MOB2: variants seen among roughly 807,000 people sequenced by gnomAD.
MOB2 encodes MOB kinase activator 2, also known as MOB2 Mps One Binder homolog.
A neutral mutation model predicts 27.4 loss-of-function variants in MOB2; 14 were observed. The ratio of observed to expected loss-of-function variants is 0.51; its 90% CI spans 0.34 to 0.80. MOB2 has a LOEUF of 0.80. MOB2 is among the 30% of genes least tolerant of loss of function. The probability of loss-of-function intolerance (pLI) is 0.01; values close to 1 mark genes in which losing one functional copy is unlikely to be tolerated. For missense variants in MOB2, 304 were observed against 354.6 expected, an observed-to-expected ratio of 0.86 and a Z score of 1.15; for synonymous variants, 167 against 151.8, an observed-to-expected ratio of 1.10 and a Z score of -0.74.
chr11:1,474,495 G>A (rs1847831410), intron 3 of MOB2, among the ~76,000 whole-genome samples: 1 of 152,210 alleles, frequency 6.6e-6, no homozygotes, highest in Non-Finnish European at 1.5e-5. Flanking sequence ...GAGGCATGAG[G>A]GATAGGTCAG....
At chr11:1,484,017 G>A (rs920387608) in intron 1 of MOB2, among the ~76,000 whole-genome samples, 2 of 152,188 alleles carry the variant, frequency 1.3e-5, no homozygotes, top group African/African-American at 4.8e-5. Context: ...CCGCCCTGAG[G>A]GACGAGGACA....
In MOB2 at chr11:1,480,548, CCT is replaced by C. The variant is rs916499149; in HGVS notation, c.272-64_272-63del. 6 of 1,576,934 alleles carry C rather than the reference CCT, an allele frequency of 3.8e-6. No individual in the cohort carries two copies. In the Admixed American group the frequency reaches 5.0e-5, roughly 13 times the overall value. On this transcript the variant is annotated intron_variant, in intron 2 of 4. Transcript: ENST00000329957. Reference sequence around the variant, plus strand: ...CCAGAGCTGAGCCGCCCCGTCCACCCCTGCTTCCAGCAACAGGTGCAGGAGCT... The same window carrying C: ...CCAGAGCTGAGCCGCCCCGTCCACCCGCTTCCAGCAACAGGTGCAGGAGCT...
rs563551452 is a variant in MOB2 at position 1,483,660 on chromosome 11, C to T, written c.111-2775G>A. Among the ~76,000 whole-genome samples the T allele has an allele frequency of 4.6e-5, 7 of 152,350 alleles. No homozygotes were observed. In the East Asian group the frequency reaches 1.4e-3, roughly 29 times the overall value. ...TGGGCACCAGCTGCTGCTCTGCCAA[C>T]TTGCCCATCTTACACCAGGCCTAGC... is the stretch of plus-strand genomic sequence containing the variant. On this transcript the variant is annotated intron_variant, in intron 1 of 4. Coordinates refer to ENST00000329957, the MANE Select transcript of MOB2 (RefSeq NM_001172223.3).
In MOB2 at chr11:1,470,286, C is replaced by T; in HGVS notation, c.693G>A (p.Met231Ile). 6.2e-7 allele frequency: 1 copy of T among 1,613,192 alleles called. No individual in the cohort carries two copies. Among genetic ancestry groups the T allele is most frequent in the Admixed American group, 1.7e-5 (1 of 60,028 alleles). ...NLLDPKETAI[M>I]DDLTEVLCSG... Reference sequence around the variant, plus strand: ...TGCATAGCACCTCGGTGAGGTCGTCCATGATGGCGGTCTCTTTGGGGTCCA... The same window carrying T: ...TGCATAGCACCTCGGTGAGGTCGTCTATGATGGCGGTCTCTTTGGGGTCCA... Residue 231 changes from methionine to isoleucine, a missense_variant, in exon 5 of 5, where the codon ATG (methionine) becomes ATA (isoleucine). Coordinates refer to ENST00000329957, the MANE Select transcript of MOB2 (RefSeq NM_001172223.3).
intron 1 of MOB2, chr11:1,481,152 G>A: frequency 1.7e-6 from 1 of 602,714 alleles, no homozygotes; most frequent in Non-Finnish European, 3.1e-6. Context: ...TGCACGGAGG[G>A]CATCCTCACC....
chr11:1,473,902 C>T (rs1253851112), intron 3 of MOB2, among the ~76,000 whole-genome samples: 6 of 152,262 alleles, frequency 3.9e-5, no homozygotes, highest in African/African-American at 1.4e-4. Flanking sequence ...AGGAATCGCA[C>T]CGCGCGGATC....
intron 2 of MOB2, 78 bp from the exon 3 acceptor site, chr11:1,480,564 G>C: frequency 1.3e-6 from 2 of 1,555,768 alleles, no homozygotes; most frequent in Non-Finnish European, 1.8e-6. Context: ...TCCAGCAACA[G>C]GTGCAGGAGC....
At chr11:1,484,691 A>AG (rs999939658) in intron 1 of MOB2, among the ~76,000 whole-genome samples, 8 of 151,834 alleles carry the variant, frequency 5.3e-5, no homozygotes, top group African/African-American at 9.7e-5. Context: ...CTGGGTGTTG[A>AG]GGGGGGGCCT....
chr11:1,470,212 C>T lies in MOB2; in HGVS notation c.767G>A (p.Ser256Asn). The T allele has an allele frequency of 6.2e-7, 1 of 1,611,584 alleles. No homozygotes were observed. The highest frequency in any genetic ancestry group is 8.5e-7 in the Non-Finnish European group (1 of 1,179,412). The change falls in exon 5 of 5, where the codon AGC (serine) becomes AAC (asparagine). Residue 256 changes from serine to asparagine, a missense_variant. By Grantham distance (46) the Ser-to-Asn change is conservative (BLOSUM62 1). Coordinates refer to ENST00000329957, the MANE Select transcript of MOB2 (RefSeq NM_001172223.3). The part of the protein sequence containing the change: ...HSGGSGDGAG[S>N]GGPGAQNHVK... ...GTGGTTCTGTGCTCCCGGGCCCCCG[C>T]TGCCGGCCCCATCCCCACTGCCCCC...
At chr11:1,485,283 C>A (rs917887570) in intron 1 of MOB2, among the ~76,000 whole-genome samples, 34 of 152,372 alleles carry the variant, frequency 2.2e-4, no homozygotes, top group African/African-American at 8.2e-4. Flanking sequence ...GACACACAAG[C>A]ACACACTGGC....
chr11:1,471,625 G>A (rs750999933), intron 3 of MOB2: 5 of 557,896 alleles, frequency 9.0e-6, no homozygotes, highest in East Asian at 3.1e-5. Context: ...GGGTCTGCCT[G>A]CGCTGACTTA....
chr11:1,481,047 A>C, intron 1 of MOB2, 162 bp from the exon 2 acceptor site: 1 of 836,464 alleles, frequency 1.2e-6, no homozygotes, highest in Non-Finnish European at 1.8e-6. Context: ...CGGGACACCA[A>C]CGGTGAGGCT....
chr11:1,469,877 A>G lies in MOB2; in HGVS notation c.*295T>C, dbSNP rs1206374736. The G allele has an allele frequency of 1.4e-6, 1 of 692,328 alleles. No individual in the cohort carries two copies. The highest frequency in any genetic ancestry group is 2.6e-6 in the Non-Finnish European group (1 of 390,234). 42.9% of individuals were successfully genotyped at this position (692,328 alleles called of 1,614,324 possible). A position where few individuals can be genotyped will look rare whatever the true frequency, so the allele number is the denominator to read the frequency against. Reference sequence around the variant, plus strand: ...GGCAGGGGCTGCACGGAGACCAGAGAAAGGAAAACCCCACAGAAGAAAACT... The same window carrying G: ...GGCAGGGGCTGCACGGAGACCAGAGGAAGGAAAACCCCACAGAAGAAAACT... On this transcript the variant is annotated 3_prime_UTR_variant, in exon 5 of 5. Transcript: ENST00000329957.
At chr11:1,476,783 T>C (rs1455904392) in intron 3 of MOB2, among the ~76,000 whole-genome samples, 1 of 152,210 alleles carries the variant, frequency 6.6e-6, no homozygotes, top group Non-Finnish European at 1.5e-5. Flanking sequence ...AATTCTGACA[T>C]GCTGTATTTT....
rs1401523984 is a variant in MOB2, at chr11:1,480,971, T to C, written c.111-86A>G. 2.7e-6 allele frequency: 4 copies of C among 1,495,412 alleles called. No individual in the cohort carries two copies. In the Admixed American group the frequency reaches 6.1e-5, roughly 23 times the overall value. The allele number at this position is 1,495,412 out of a possible 1,614,324, so 92.6% of individuals were successfully genotyped here. ...GGGGGTCAGTTGTGGCCAGCGCAGG[T>C]GTAGAGGGAGCTGCCCGAGCCCATC... is the stretch of plus-strand genomic sequence containing the variant. On this transcript the variant is annotated intron_variant, in intron 1 of 4. Coordinates refer to ENST00000329957, the MANE Select transcript of MOB2 (RefSeq NM_001172223.3).
chr11:1,471,206 C>G, intron 4 of MOB2, 89 bp downstream of exon 4: 1 of 1,485,094 alleles, frequency 6.7e-7, no homozygotes, highest in Non-Finnish European at 9.0e-7. Context: ...CTGCCCCTCC[C>G]GGCACAGGAG....
intron 3 of MOB2, among the ~76,000 whole-genome samples, chr11:1,478,045 C>G (rs1345475392): frequency 1.3e-5 from 2 of 152,238 alleles, no homozygotes. Flanking sequence ...ATAAGCTCTG[C>G]AAGGCCTGCT....
At position 1,480,780 on chromosome 11, in the gene MOB2, C is replaced by T; in HGVS notation, c.216G>A (p.Lys72=). 6.2e-7 allele frequency: 1 copy of T among 1,604,260 alleles called. No individual in the cohort carries two copies. Among genetic ancestry groups the T allele is most frequent in the Non-Finnish European group, 8.5e-7 (1 of 1,175,926 alleles). Residue 72 remains lysine, a synonymous_variant, in exon 2 of 5, where the codon AAG becomes AAA. Transcript: ENST00000329957. Reference sequence around the variant, plus strand: ...TCTCGCGGGGCAGCACCACCAGCTCCTTGAACTGGAAGTCGGTGATCCTGG... The same window carrying T: ...TCTCGCGGGGCAGCACCACCAGCTCTTTGAACTGGAAGTCGGTGATCCTGG... ...TKARITDFQF[K]ELVVLPREID... is the part of the protein sequence containing the mutation.
chr11:1,484,818 T>C (rs1464459093), intron 1 of MOB2, among the ~76,000 whole-genome samples: 8 of 152,156 alleles, frequency 5.3e-5, no homozygotes, highest in Admixed American at 3.9e-4. Context: ...CCTGTCCATC[T>C]CTCAGCACAG....
Sources: allele counts gnomAD v4.1 joint callset (sites outside exome capture counted in the v4.1 genomes callset), GRCh38; gene constraint gnomAD v4.1.1; transcripts MANE v1.5; gene names NCBI Gene and HGNC (gene_info 2026-07-23, HGNC 2026-07-21).